Variants in DOCK8 observed in about 807,000 individuals in gnomAD.
DOCK8 encodes the protein dedicator of cytokinesis 8, also known as dedicator of cytokinesis protein 8.
In DOCK8, 141 loss-of-function variants were observed where a neutral mutation model predicts 245.6. The observed-to-expected ratio is 0.57, with a 90% CI of 0.50 to 0.66. DOCK8 has a LOEUF of 0.66. Ranked by LOEUF, DOCK8 falls within the 30% of genes least tolerant of loss-of-function variation. The pLI is 0.00. For missense variants in DOCK8, 2,965 were observed against 2,603.4 expected (o/e 1.14, Z -3.02); for synonymous variants, 1,168 against 970.2 (o/e 1.20, Z -3.79).
intron 11 of DOCK8, among the ~76,000 whole-genome samples, chr9:336,045 C>G (rs1015273110): frequency 6.6e-6 from 1 of 152,174 alleles, no homozygotes; most frequent in Non-Finnish European, 1.5e-5. Flanking sequence ...ATTTGGGGTT[C>G]TAATTCCCAT....
chr9:354,376 A>C (rs1398590360), intron 14 of DOCK8, among the ~76,000 whole-genome samples: 2 of 152,218 alleles, frequency 1.3e-5, no homozygotes, highest in African/African-American at 4.8e-5. Flanking sequence ...TTGAGGCAGA[A>C]ATTTTTGAAG....
chr9:355,091 G>A (rs558648282), intron 14 of DOCK8, among the ~76,000 whole-genome samples: 207 of 152,178 alleles, frequency 1.4e-3, no homozygotes, highest in Non-Finnish European at 2.1e-3. Context: ...GAATATGGGG[G>A]TAGGAGGGTG....
chr9:338,706 G>A (rs1199522459), intron 12 of DOCK8, among the ~76,000 whole-genome samples: 2 of 152,076 alleles, frequency 1.3e-5, no homozygotes, highest in African/African-American at 4.8e-5. Context: ...CAGAGGGTGA[G>A]AGTTATCGGG....
At chr9:238,931 T>C (rs573860042) in intron 1 of DOCK8, among the ~76,000 whole-genome samples, 18 of 150,410 alleles carry the variant, frequency 1.2e-4, no homozygotes, top group African/African-American at 4.4e-4. Flanking sequence ...CGCCATCCTA[T>C]CACAGCTTGC....
chr9:381,727 AG>A (rs2053727720), intron 21 of DOCK8, among the ~76,000 whole-genome samples: 1 of 152,184 alleles, frequency 6.6e-6, no homozygotes, highest in African/African-American at 2.4e-5. Context: ...TGGGAGGCCA[AG>A]GTGAGCAGAT....
intron 24 of DOCK8, among the ~76,000 whole-genome samples, chr9:395,357 T>A (rs1586890434): frequency 6.6e-6 from 1 of 152,166 alleles, no homozygotes; most frequent in Non-Finnish European, 1.5e-5. Flanking sequence ...TCCCTTTGTT[T>A]TTTCTGTTTG....
At chr9:354,018 AGAG>A (rs1417632316) in intron 14 of DOCK8, among the ~76,000 whole-genome samples, 3 of 152,204 alleles carry the variant, frequency 2.0e-5, no homozygotes, top group African/African-American at 7.2e-5. Flanking sequence ...TTGACTCCAA[AGAG>A]ACTATTTTGT....
At chr9:453,972 T>C (rs2057545744) in intron 46 of DOCK8, among the ~76,000 whole-genome samples, 1 of 152,250 alleles carries the variant, frequency 6.6e-6, no homozygotes, top group South Asian at 2.1e-4. Context: ...GAGATCTGGC[T>C]TGTTCCTCTG....
At chr9:452,206 T>A in intron 46 of DOCK8, 89 bp downstream of exon 46, 1 of 844,556 alleles carries the variant, frequency 1.2e-6, no homozygotes, top group Non-Finnish European at 1.9e-6. Flanking sequence ...ACCTGAGAAC[T>A]TGCTAGAAAG....
chr9:406,877 T>A, intron 27 of DOCK8, 53 bp from the exon 28 acceptor site: 1 of 1,613,258 alleles, frequency 6.2e-7, no homozygotes. Context: ...TGGCCATCGC[T>A]ATTTTCATTC....
Position 427,254 on chromosome 9 carries a change from G to A in DOCK8, c.4338+273G>A, listed in dbSNP as rs181891046. 1.1e-4 allele frequency among the ~76,000 whole-genome samples: 17 copies of A among 152,282 alleles called. No homozygotes were observed. The East Asian group carries it at 2.7e-3, about 24-fold the overall frequency. ...CTCTTGGTTAAATCTGTGTGAGTATGTACCAAGTTTATAATATGGATGTTG... is the reference window on the plus strand; with the variant it reads ...CTCTTGGTTAAATCTGTGTGAGTATATACCAAGTTTATAATATGGATGTTG... On this transcript the variant is annotated intron_variant, in intron 34 of 47. Transcript: ENST00000432829.
At position 391,211 on chromosome 9, in the gene DOCK8, A is replaced by G. The variant is rs183974091; in HGVS notation, c.2970+645A>G. On this transcript the variant is annotated intron_variant, in intron 24 of 47. Transcript: ENST00000432829. ...ATTCTTCTCTGTAGATTTCAGCTTC[A>G]GTGGAACCATCCCCAAGAGGCCTTT... is the stretch of plus-strand genomic sequence containing the variant. 7.5e-3 allele frequency among the ~76,000 whole-genome samples: 1,143 copies of G among 152,314 alleles called. 7 individuals carry two copies. Among genetic ancestry groups the G allele is most frequent in the South Asian group, 0.011 (53 of 4,828 alleles).
At chr9:341,556 T>C (rs1215008976) in intron 14 of DOCK8, among the ~76,000 whole-genome samples, 1 of 152,246 alleles carries the variant, frequency 6.6e-6, no homozygotes, top group Non-Finnish European at 1.5e-5. Flanking sequence ...CACAGACTTT[T>C]ACCTCACCTC....
rs116240905 is a variant in DOCK8, at chr9:263,796, T to A, written c.54-7831T>A. On this transcript the variant is annotated intron_variant, in intron 1 of 47. Transcript: ENST00000432829. ...TTGCATTGGTTTGTGGATTTCACTT[T>A]TTCAATTGAGAAGTTAATTTTGTTG... Among the ~76,000 whole-genome samples the A allele has an allele frequency of 6.8e-3, 1,032 of 152,354 alleles. 13 individuals carry two copies. Among genetic ancestry groups the A allele is most frequent in the African/African-American group, 0.024 (998 of 41,586 alleles).
intron 1 of DOCK8, among the ~76,000 whole-genome samples, chr9:254,810 A>G (rs1348959315): frequency 1.3e-5 from 2 of 152,194 alleles, no homozygotes; most frequent in African/African-American, 4.8e-5. Flanking sequence ...GAAGTTCACA[A>G]GGCAGTTGTT....
intron 4 of DOCK8, among the ~76,000 whole-genome samples, chr9:290,670 C>A (rs7030730): frequency 0.48 from 72,553 of 151,988 alleles, 17,868 homozygotes; most frequent in African/African-American, 0.59. Context: ...ATGGGTGTAC[C>A]TGTTGGGGAG....
At chr9:381,904 G>T (rs1355948656) in intron 21 of DOCK8, among the ~76,000 whole-genome samples, 1 of 151,702 alleles carries the variant, frequency 6.6e-6, no homozygotes, top group Admixed American at 6.6e-5. Flanking sequence ...AGGTTGCAGT[G>T]AGCTGAGATC....
intron 47 of DOCK8, among the ~76,000 whole-genome samples, 179 bp downstream of exon 47, chr9:463,866 C>T (rs1308588596): frequency 6.6e-6 from 1 of 152,204 alleles, no homozygotes; most frequent in Non-Finnish European, 1.5e-5. Context: ...TCCTCCCCAT[C>T]CCTGCTCCTT....
At chr9:335,106 C>G (rs1273951240) in intron 11 of DOCK8, among the ~76,000 whole-genome samples, 1 of 152,014 alleles carries the variant, frequency 6.6e-6, no homozygotes, top group African/African-American at 2.4e-5. Flanking sequence ...AAGAGAAAAA[C>G]TCAAGTTTCC....
Sources: allele counts gnomAD v4.1 joint callset (sites outside exome capture counted in the v4.1 genomes callset), GRCh38; gene constraint gnomAD v4.1.1; transcripts MANE v1.5; gene names NCBI Gene and HGNC (gene_info 2026-07-23, HGNC 2026-07-21).